Variants in LRPPRC observed in about 807,000 individuals in gnomAD.
LRPPRC encodes the protein leucine rich pentatricopeptide repeat containing.
In LRPPRC, 120 loss-of-function variants were observed where a neutral mutation model predicts 180.3. The observed-to-expected ratio is 0.67, with a 90% CI of 0.57 to 0.77. LRPPRC has a LOEUF of 0.77. Ranked by LOEUF, LRPPRC falls within the 30% of genes least tolerant of loss-of-function variation. The pLI, the probability that LRPPRC is intolerant of heterozygous loss-of-function variation, is 0.00. For missense variants in LRPPRC, 2,012 were observed against 1,657.2 expected, an observed-to-expected ratio of 1.21 and a Z score of -3.72; for synonymous variants, 723 against 600.0, an observed-to-expected ratio of 1.21 and a Z score of -3.00.
At chr2:43,944,536 T>A (rs957584088) in intron 22 of LRPPRC, among the ~76,000 whole-genome samples, 1 of 152,080 alleles carries the variant, frequency 6.6e-6, no homozygotes, top group Non-Finnish European at 1.5e-5. Flanking sequence ...TTTAAAAAAA[T>A]AGGCTAATCC....
intron 11 of LRPPRC, among the ~76,000 whole-genome samples, chr2:43,964,126 T>C (rs750906819): frequency 3.9e-5 from 6 of 152,206 alleles, no homozygotes; most frequent in Non-Finnish European, 8.8e-5. Flanking sequence ...TAAGCACTTA[T>C]GTAAAAAGTT....
intron 16 of LRPPRC, 70 bp downstream of exon 16, chr2:43,949,532 C>T: frequency 1.8e-6 from 2 of 1,110,264 alleles, no homozygotes; most frequent in South Asian, 1.3e-5. Flanking sequence ...TGCTGTAATC[C>T]TCCTAACCCA....
intron 23 of LRPPRC, among the ~76,000 whole-genome samples, chr2:43,936,155 T>A (rs184098835): frequency 6.6e-6 from 1 of 152,298 alleles, no homozygotes; most frequent in African/African-American, 2.4e-5. Context: ...CACCCCCTTT[T>A]ACTTTCAAAG....
At chr2:43,962,349 A>G (rs1268546924) in intron 12 of LRPPRC, among the ~76,000 whole-genome samples, 20 of 152,160 alleles carry the variant, frequency 1.3e-4, no homozygotes, top group Admixed American at 1.3e-3. Flanking sequence ...GAAGACACTG[A>G]AGATATAAAC....
At chr2:43,954,876 T>G (rs1012050489) in intron 14 of LRPPRC, among the ~76,000 whole-genome samples, 2 of 152,146 alleles carry the variant, frequency 1.3e-5, no homozygotes, top group Non-Finnish European at 2.9e-5. Flanking sequence ...CATGTAGTGT[T>G]GTTAAGTGAA....
intron 36 of LRPPRC, among the ~76,000 whole-genome samples, chr2:43,890,677 C>T (rs1670459746): frequency 6.6e-6 from 1 of 152,208 alleles, no homozygotes; most frequent in South Asian, 2.1e-4. Flanking sequence ...GGTGCCACTG[C>T]ACTCCAGCCT....
chr2:43,915,232 T>TCTCTCTCTCTCTCTCTCTCC, intron 29 of LRPPRC, among the ~76,000 whole-genome samples: 1 of 51,838 alleles, frequency 1.9e-5, no homozygotes, highest in Non-Finnish European at 3.5e-5. Context: ...TCTCTCTCTC[T>TCTCTCTCTCTCTCTCTCTCC]CACACACACA....
At position 43,888,657 on chromosome 2, in the gene LRPPRC, C is replaced by A; in HGVS notation, c.4129-1G>T. The A allele has an allele frequency of 6.3e-7, 1 of 1,579,002 alleles. No homozygotes were observed. The highest frequency in any genetic ancestry group is 8.7e-7 in the Non-Finnish European group (1 of 1,148,486). ...GCTGTGCATAAAATTCAAAGCTTTC[C>A]TGTTAAGGAGAAAAAAAGAGGGAAG... On this transcript the variant is annotated splice_acceptor_variant, in intron 37 of 37. Coordinates refer to ENST00000260665, the MANE Select transcript of LRPPRC (RefSeq NM_133259.4). LOFTEE classifies it high-confidence loss of function.
chr2:43,996,004 G>A (rs1163917455), upstream of LRPPRC: 2 of 1,510,708 alleles, frequency 1.3e-6, no homozygotes, highest in East Asian at 2.6e-5. Context: ...GGAGGAGCAT[G>A]TGACCGCAGG....
In LRPPRC at chr2:43,925,958, G is replaced by C. The variant is rs907322272; in HGVS notation, c.2740C>G (p.Pro914Ala). The C allele has an allele frequency of 6.3e-7, 1 of 1,599,714 alleles. No individual in the cohort carries two copies. Among genetic ancestry groups the C allele is most frequent in the Admixed American group, 1.7e-5 (1 of 59,974 alleles). Residue 914 changes from proline (P) to alanine (A), a missense_variant, in exon 26 of 38, where the codon CCA (proline) becomes GCA (alanine). Pro to Ala is a conservative substitution (Grantham distance 27). Transcript: ENST00000260665. ...YKEAKKIIET[P>A]GIRARSARLQ... is the part of the protein sequence containing the mutation. Reference sequence around the variant, plus strand: ...CTTGCAGATCGAGCTCTAATCCCTGGAGTCTGTAAAATAAAATAATCACAT... The same window carrying C: ...CTTGCAGATCGAGCTCTAATCCCTGCAGTCTGTAAAATAAAATAATCACAT...
At chr2:43,956,102 G>A (rs1028784571) in intron 14 of LRPPRC, among the ~76,000 whole-genome samples, 1 of 149,278 alleles carries the variant, frequency 6.7e-6, no homozygotes. Context: ...AATACAAAAT[G>A]TAGAAGAGAC....
chr2:43,996,041 G>A (rs530094776), upstream of LRPPRC: 3 of 1,306,268 alleles, frequency 2.3e-6, no homozygotes, highest in African/African-American at 1.5e-5. Context: ...GAGACCAACT[G>A]CCGGGCGTGC....
In LRPPRC at chr2:43,898,821, G is replaced by A. The variant is rs565217248; in HGVS notation, c.3825+398C>T. The stretch of plus-strand genomic sequence containing the variant: ...ATTTCCTACTTTTTGTTTGCAAACT[G>A]TGTTGCCATGGTGACGCACAGTATC... On this transcript the variant is annotated intron_variant, in intron 34 of 37. Transcript: ENST00000260665. Among the ~76,000 whole-genome samples, 3 of 152,310 alleles carry A rather than the reference G, an allele frequency of 2.0e-5. No individual in the cohort carries two copies. The South Asian group carries it at 6.2e-4, about 32-fold the overall frequency.
chr2:43,899,142 C>T (rs958490021), intron 34 of LRPPRC, 77 bp downstream of exon 34: 17 of 942,178 alleles, frequency 1.8e-5, no homozygotes, highest in Admixed American at 3.7e-5. Context: ...TTCCACCACA[C>T]GCCTATGTCT....
chr2:43,939,329 C>T (rs1382234677), intron 23 of LRPPRC, among the ~76,000 whole-genome samples: 1 of 149,992 alleles, frequency 6.7e-6, no homozygotes, highest in African/African-American at 2.5e-5. Context: ...CAACAAAAAA[C>T]GAAAGATGAC....
chr2:43,917,800 TAAA>T (rs571425643), intron 29 of LRPPRC, among the ~76,000 whole-genome samples: 44 of 151,932 alleles, frequency 2.9e-4, no homozygotes, highest in African/African-American at 9.9e-4. Flanking sequence ...AAAAAAATAA[TAAA>T]AAGAGTAATT....
intron 25 of LRPPRC, among the ~76,000 whole-genome samples, chr2:43,932,918 C>G (rs929923349): frequency 1.3e-5 from 2 of 152,206 alleles, no homozygotes; most frequent in Non-Finnish European, 2.9e-5. Flanking sequence ...CCTGCAGAAC[C>G]TCTCAGAGCT....
intron 1 of LRPPRC, among the ~76,000 whole-genome samples, chr2:43,991,386 T>TA (rs1194643306): frequency 1.3e-5 from 2 of 152,196 alleles, no homozygotes; most frequent in Non-Finnish European, 2.9e-5. Context: ...GAGAGTTTTC[T>TA]AAAAGTTTTC....
intron 30 of LRPPRC, among the ~76,000 whole-genome samples, chr2:43,908,795 G>T (rs191197459): frequency 2.1e-3 from 318 of 152,286 alleles, no homozygotes; most frequent in Non-Finnish European, 3.8e-3. Context: ...CCAAAGTGCT[G>T]GGATTACAGC....
Sources: allele counts gnomAD v4.1 joint callset (sites outside exome capture counted in the v4.1 genomes callset), GRCh38; gene constraint gnomAD v4.1.1; transcripts MANE v1.5; gene names NCBI Gene and HGNC (gene_info 2026-07-23, HGNC 2026-07-21).